TSPAN3: variants seen among roughly 807,000 people sequenced by gnomAD.
TSPAN3 encodes tetraspanin 3.
TSPAN3 carries 9 observed loss-of-function variants against 31.1 expected under a neutral mutation model. The ratio of observed to expected loss-of-function variants is 0.29; its 90% confidence interval spans 0.17 to 0.50. The LOEUF (loss-of-function observed/expected upper bound fraction) is 0.50. Among genes scored for constraint, TSPAN3 ranks in the 20% least tolerant of loss-of-function variants. TSPAN3 has a pLI of 0.98. For missense variants in TSPAN3, 252 were observed against 313.5 expected (o/e 0.80, Z 1.48); for synonymous variants, 129 against 114.3 (o/e 1.13, Z -0.82).
rs60483848 is a variant in TSPAN3 at position 77,053,451 on chromosome 15, CAAAAAAAAAAAAAAAAAAAA to C, written c.433-542_433-523del. The stretch of plus-strand genomic sequence containing the variant: ...CAACAAGAGTGAAATTTCGCCATCT[CAAAAAAAAAAAAAAAAAAAA>C]AAAAAAAAAAAAAAAAAAAAAAAGA... On this transcript the variant is annotated intron_variant, in intron 4 of 6. Transcript: ENST00000267970. 1.8e-3 allele frequency among the ~76,000 whole-genome samples: 91 copies of C among 50,368 alleles called. 1 individual carries two copies. Among genetic ancestry groups the C allele is most frequent in the Admixed American group, 4.8e-3 (20 of 4,182 alleles). The allele number at this position is 50,368 out of a possible 152,430, so 33.0% of individuals were successfully genotyped here. A position where few individuals can be genotyped will look rare whatever the true frequency, so the allele number is the denominator to read the frequency against.
In TSPAN3 at chr15:77,043,199, C is replaced by G. The variant is rs1300424672; in HGVS notation, c.*3636G>C. ...AGCATATCCCAGGCAACCACAGCCA[C>G]CCCTCGGAGGTCTCTCCACCTTGGG... is the stretch of plus-strand genomic sequence containing the variant. On this transcript the variant is annotated 3_prime_UTR_variant, in exon 7 of 7. Coordinates refer to ENST00000267970, the MANE Select transcript of TSPAN3 (RefSeq NM_005724.6). The G allele has an allele frequency of 6.6e-6, 1 of 152,306 alleles. No homozygotes were observed. The highest frequency in any genetic ancestry group is 1.5e-5 in the Non-Finnish European group (1 of 68,154). The allele number at this position is 152,306 out of a possible 1,614,324, so 9.4% of individuals were successfully genotyped here. A position where few individuals can be genotyped will look rare whatever the true frequency, so the allele number is the denominator to read the frequency against.
intron 1 of TSPAN3, among the ~76,000 whole-genome samples, chr15:77,066,811 T>TA (rs1289119984): frequency 6.6e-6 from 1 of 152,136 alleles, no homozygotes; most frequent in East Asian, 1.9e-4. Flanking sequence ...GAAACTGTCT[T>TA]AGTCTGTTTT....
intron 1 of TSPAN3, among the ~76,000 whole-genome samples, chr15:77,060,667 A>C (rs187959612): frequency 6.6e-4 from 100 of 152,114 alleles, no homozygotes; most frequent in Non-Finnish European, 1.9e-4. Context: ...CTATCAAAGG[A>C]TCTGAGCTTT....
At chr15:77,053,451 C>CAAAAAAAAAAAAAAAAAAAAAAA (rs60483848) in intron 4 of TSPAN3, among the ~76,000 whole-genome samples, 11 of 50,380 alleles carry the variant, frequency 2.2e-4, no homozygotes, top group Non-Finnish European at 3.0e-4. Context: ...TTCGCCATCT[C>CAAAAAAAAAAAAAAAAAAAAAAA]AAAAAAAAAA....
chr15:77,063,220 GT>G (rs1203918964), intron 1 of TSPAN3, among the ~76,000 whole-genome samples: 1 of 151,938 alleles, frequency 6.6e-6, no homozygotes, highest in African/African-American at 2.4e-5. Flanking sequence ...TCCTGTACAT[GT>G]TTTCTGATTA....
intron 1 of TSPAN3, among the ~76,000 whole-genome samples, chr15:77,070,232 A>G (rs923007966): frequency 1.3e-5 from 2 of 152,230 alleles, no homozygotes; most frequent in East Asian, 1.9e-4. Context: ...ATCTTGTGAC[A>G]TCTCCATCAT....
Position 77,053,451 on chromosome 15 carries a change from CAAAAAAAAAAAAAAAAAAAAAAAAAAA to C in TSPAN3, c.433-549_433-523del, listed in dbSNP as rs60483848. On this transcript the variant is annotated intron_variant, in intron 4 of 6. Transcript: ENST00000267970. The stretch of plus-strand genomic sequence containing the variant: ...CAACAAGAGTGAAATTTCGCCATCT[CAAAAAAAAAAAAAAAAAAAAAAAAAAA>C]AAAAAAAAAAAAAAAAGAAAAGAAA... 8.5e-4 allele frequency among the ~76,000 whole-genome samples: 43 copies of C among 50,380 alleles called. 1 individual carries two copies. Among genetic ancestry groups the C allele is most frequent in the South Asian group, 1.6e-3 (2 of 1,274 alleles). The allele number at this position is 50,380 out of a possible 152,430, so 33.1% of individuals were successfully genotyped here.
At chr15:77,058,815 A>G (rs1266478723) in intron 1 of TSPAN3, among the ~76,000 whole-genome samples, 1 of 152,188 alleles carries the variant, frequency 6.6e-6, no homozygotes, top group Non-Finnish European at 1.5e-5. Context: ...TCTTCAGTTC[A>G]ATGCTTATAG....
In TSPAN3 at chr15:77,043,878, AGGTGT is replaced by A. The variant is rs2076673294; in HGVS notation, c.*2952_*2956del. 3 of 152,320 alleles carry A rather than the reference AGGTGT, an allele frequency of 2.0e-5. No individual in the cohort carries two copies. The highest frequency in any genetic ancestry group is 4.8e-5 in the African/African-American group (2 of 41,438). 9.4% of individuals were successfully genotyped at this position (152,320 alleles called of 1,614,324 possible). A position where few individuals can be genotyped will look rare whatever the true frequency, so the allele number is the denominator to read the frequency against. On this transcript the variant is annotated 3_prime_UTR_variant, in exon 7 of 7. Transcript: ENST00000267970. ...GGTATTAGGGGTAAAAGGCCATGAC[AGGTGT>A]GGAGGCAGCAGGAGGGAGGGAGAGG...
intron 1 of TSPAN3, among the ~76,000 whole-genome samples, chr15:77,057,693 T>C (rs964663439): frequency 6.6e-6 from 1 of 152,210 alleles, no homozygotes; most frequent in African/African-American, 2.4e-5. Flanking sequence ...GTGCTCACTT[T>C]TTCATTCTCT....
intron 1 of TSPAN3, among the ~76,000 whole-genome samples, chr15:77,061,733 T>C (rs1170735323): frequency 5.9e-5 from 9 of 152,236 alleles, no homozygotes; most frequent in Admixed American, 1.3e-4. Flanking sequence ...ACAGGACATT[T>C]TGGGCGAAGC....
intron 1 of TSPAN3, among the ~76,000 whole-genome samples, chr15:77,066,571 C>CAAAAAAAAAAAAAAA (rs35737479): frequency 1.0e-4 from 6 of 59,372 alleles, no homozygotes; most frequent in African/African-American, 3.7e-4. Flanking sequence ...GACTTCGTCT[C>CAAAAAAAAAAAAAAA]AAAAAAAAAA....
rs35737479 is a variant in TSPAN3 at position 77,066,571 on chromosome 15, C to CAAAAAAAAAAAA, written c.63+4309_63+4320dup. Among the ~76,000 whole-genome samples the CAAAAAAAAAAAA allele has an allele frequency of 2.9e-4, 17 of 59,378 alleles. 1 individual carries two copies. Among genetic ancestry groups the CAAAAAAAAAAAA allele is most frequent in the African/African-American group, 1.0e-3 (14 of 13,374 alleles). The allele number at this position is 59,378 out of a possible 152,430, so 39.0% of individuals were successfully genotyped here. ...TGGGCGACAGAGTAAGACTTCGTCT[C>CAAAAAAAAAAAA]AAAAAAAAAAAAAAAAAAAAAAAAA... On this transcript the variant is annotated intron_variant, in intron 1 of 6. Coordinates refer to ENST00000267970, the MANE Select transcript of TSPAN3 (RefSeq NM_005724.6).
In TSPAN3 at chr15:77,055,817, A is replaced by G. The variant is rs1445159715; in HGVS notation, c.302T>C (p.Val101Ala). 1 of 1,611,498 alleles carries G rather than the reference A, an allele frequency of 6.2e-7. No individual in the cohort carries two copies. The change falls in exon 3 of 7, where the codon GTG becomes GCG. Residue 101 changes from valine (V) to alanine (A), a missense_variant. Physicochemically the swap from Val to Ala is moderately conservative, Grantham distance 64. Coordinates refer to ENST00000267970, the MANE Select transcript of TSPAN3 (RefSeq NM_005724.6). ...TGCTCTGTAAACATATCCCAAAACCACTACAACAACTTCTGTGACAAAAAC... is the reference window on the plus strand; with the variant it reads ...TGCTCTGTAAACATATCCCAAAACCGCTACAACAACTTCTGTGACAAAAAC... Reference protein sequence around the residue: ...LLVFVTEVVVVVLGYVYRAKV... With the variant: ...LLVFVTEVVVAVLGYVYRAKV...
At chr15:77,059,977 C>T (rs577014883) in intron 1 of TSPAN3, among the ~76,000 whole-genome samples, 1 of 152,232 alleles carries the variant, frequency 6.6e-6, no homozygotes, top group South Asian at 2.1e-4. Flanking sequence ...ACTGAGACTA[C>T]AAGAAAGCAG....
chr15:77,051,100 T>G (rs974131988), intron 6 of TSPAN3, among the ~76,000 whole-genome samples: 23 of 152,088 alleles, frequency 1.5e-4, no homozygotes, highest in African/African-American at 5.1e-4. Context: ...AAATGGAGTC[T>G]TATTGCCCAG....
At chr15:77,058,608 G>C (rs1005081739) in intron 1 of TSPAN3, among the ~76,000 whole-genome samples, 3 of 152,184 alleles carry the variant, frequency 2.0e-5, no homozygotes, top group Admixed American at 2.0e-4. Flanking sequence ...CACACCTTGA[G>C]AGCACGAATT....
intron 3 of TSPAN3, chr15:77,054,769 G>T (rs1465341395): frequency 1.3e-5 from 2 of 152,224 alleles, no homozygotes; most frequent in Admixed American, 6.5e-5. Flanking sequence ...TAATCGGCAG[G>T]TTTAAAAAAA....
In TSPAN3 at chr15:77,052,421, A is replaced by G. The variant is rs753282498; in HGVS notation, c.633T>C (p.His211=). The G allele has an allele frequency of 6.2e-7, 1 of 1,614,242 alleles. No individual in the cohort carries two copies. Among genetic ancestry groups the G allele is most frequent in the Non-Finnish European group, 8.5e-7 (1 of 1,180,040 alleles). Residue 211 remains histidine (H), a synonymous_variant, in exon 6 of 7, where the codon CAT becomes CAC. Transcript: ENST00000267970. The part of the protein sequence containing the change: ...VVKKLQEIMM[H]VIWAALAFAA... ...CAAATGCCAGTGCGGCCCAGATCAC[A>G]TGCATCATGATTTCTTGTAGCTTCT...
Sources: gnomAD v4.1 joint callset for allele counts (sites outside exome capture counted in the v4.1 genomes callset) on GRCh38, gnomAD v4.1.1 for gene constraint, MANE v1.5 for transcripts, NCBI Gene and HGNC (gene_info 2026-07-23, HGNC 2026-07-21) for gene names.